The following CTNNA3 variants were observed in gnomAD, a reference collection of about 807,000 sequenced individuals.
CTNNA3 encodes catenin alpha 3.
A neutral mutation model predicts 95.7 loss-of-function variants in CTNNA3; 76 were observed. The ratio of observed to expected loss-of-function variants is 0.79; its 90% confidence interval spans 0.66 to 0.96. The LOEUF is 0.96. Among genes scored for constraint, CTNNA3 ranks in the 40% least tolerant of loss-of-function variants. The pLI is 0.00. For missense variants in CTNNA3, 1,191 were observed against 1,089.8 expected, an observed-to-expected ratio of 1.09 and a Z score of -1.31; for synonymous variants, 431 against 374.4, an observed-to-expected ratio of 1.15 and a Z score of -1.74.
At chr10:67,203,763 C>A (rs1863754343) in intron 6 of CTNNA3, among the ~76,000 whole-genome samples, 1 of 152,196 alleles carries the variant, frequency 6.6e-6, no homozygotes, top group Admixed American at 6.5e-5. Flanking sequence ...CCTTCCATGA[C>A]AAAATATTCC....
chr10:67,439,850 G>A (rs1295483571), intron 5 of CTNNA3, among the ~76,000 whole-genome samples: 3 of 152,156 alleles, frequency 2.0e-5, no homozygotes, highest in Non-Finnish European at 4.4e-5. Context: ...AATATGCCAT[G>A]GGCCTTGGGT....
At chr10:66,718,568 T>G (rs1234979506) in intron 9 of CTNNA3, among the ~76,000 whole-genome samples, 1 of 151,476 alleles carries the variant, frequency 6.6e-6, no homozygotes, top group Non-Finnish European at 1.5e-5. Context: ...AATACATGTT[T>G]GTATATGTAG....
chr10:67,323,299 A>G (rs950682356), intron 5 of CTNNA3, among the ~76,000 whole-genome samples: 1 of 152,138 alleles, frequency 6.6e-6, no homozygotes, highest in Non-Finnish European at 1.5e-5. Context: ...GCCCATGCCT[A>G]TGTACAGAAT....
At chr10:66,818,559 C>T (rs537225796) in intron 7 of CTNNA3, among the ~76,000 whole-genome samples, 5 of 152,250 alleles carry the variant, frequency 3.3e-5, no homozygotes, top group East Asian at 1.9e-4. Context: ...AAGTTCAAGA[C>T]TTGCATACTG....
intron 5 of CTNNA3, among the ~76,000 whole-genome samples, chr10:67,356,673 C>T (rs1302788222): frequency 6.6e-6 from 1 of 152,084 alleles, no homozygotes; most frequent in Non-Finnish European, 1.5e-5. Context: ...CCCTCTCATT[C>T]TTTGATAACA....
At chr10:67,704,515 A>C (rs1038725315) in intron 1 of CTNNA3, among the ~76,000 whole-genome samples, 1 of 152,222 alleles carries the variant, frequency 6.6e-6, no homozygotes, top group South Asian at 2.1e-4. Context: ...TGAGAAAAAC[A>C]AGCAATGGGG....
At chr10:67,151,636 G>A (rs1206479661) in intron 7 of CTNNA3, among the ~76,000 whole-genome samples, 1 of 152,080 alleles carries the variant, frequency 6.6e-6, no homozygotes, top group African/African-American at 2.4e-5. Flanking sequence ...GCTCCCCAAG[G>A]TTTCTGTAAA....
chr10:67,401,600 CCCCAAAGA>C (rs1844925778), intron 5 of CTNNA3, among the ~76,000 whole-genome samples: 1 of 152,088 alleles, frequency 6.6e-6, no homozygotes. Flanking sequence ...AGCCCCGTGG[CCCCAAAGA>C]CCTAATAAAA....
At position 65,984,655 on chromosome 10, in the gene CTNNA3, C is replaced by T. The variant is rs117052982; in HGVS notation, c.2265+4037G>A. On this transcript the variant is annotated intron_variant, in intron 16 of 17. Coordinates refer to ENST00000433211, the MANE Select transcript of CTNNA3 (RefSeq NM_013266.4). Reference sequence around the variant, plus strand: ...TATAGAAGTACCTACTTCAAGGCAACCTGATCCAATTAAAGAAGATTATCA... The same window carrying T: ...TATAGAAGTACCTACTTCAAGGCAATCTGATCCAATTAAAGAAGATTATCA... Among the ~76,000 whole-genome samples the T allele has an allele frequency of 5.3e-3, 800 of 151,196 alleles. 9 individuals are homozygous for T. Among genetic ancestry groups the T allele is most frequent in the East Asian group, 0.024 (124 of 5,164 alleles).
intron 3 of CTNNA3, among the ~76,000 whole-genome samples, chr10:67,594,717 G>T (rs1172367156): frequency 6.6e-6 from 1 of 151,416 alleles, no homozygotes; most frequent in Non-Finnish European, 1.5e-5. Flanking sequence ...AGGTTTCATT[G>T]ATTTTTTATT....
At chr10:66,015,548 A>C (rs1180327709) in intron 15 of CTNNA3, among the ~76,000 whole-genome samples, 1 of 152,178 alleles carries the variant, frequency 6.6e-6, no homozygotes, top group Non-Finnish European at 1.5e-5. Flanking sequence ...GCTGGGTTGC[A>C]AAGCCTAAAT....
intron 7 of CTNNA3, among the ~76,000 whole-genome samples, chr10:67,079,530 A>T (rs1249200438): frequency 6.6e-6 from 1 of 152,182 alleles, no homozygotes; most frequent in Non-Finnish European, 1.5e-5. Context: ...CATCTGTGTT[A>T]TAATTAGGAA....
intron 9 of CTNNA3, among the ~76,000 whole-genome samples, chr10:66,720,715 T>C (rs142087893): frequency 5.5e-4 from 83 of 152,200 alleles, no homozygotes; most frequent in African/African-American, 1.9e-3. Context: ...GCACCTGTAA[T>C]CTGAGCTACT....
chr10:66,985,257 T>C (rs1850666215), intron 7 of CTNNA3, among the ~76,000 whole-genome samples: 1 of 152,214 alleles, frequency 6.6e-6, no homozygotes, highest in Non-Finnish European at 1.5e-5. Context: ...TAGTGATTAT[T>C]TATTGTTATA....
intron 11 of CTNNA3, among the ~76,000 whole-genome samples, chr10:66,511,288 T>C (rs1242042577): frequency 2.0e-5 from 3 of 151,822 alleles, no homozygotes; most frequent in African/African-American, 4.8e-5. Flanking sequence ...ATCTATATAA[T>C]AGTTTGTTGA....
chr10:66,418,121 A>G (rs1266270572), intron 11 of CTNNA3, among the ~76,000 whole-genome samples: 36 of 151,372 alleles, frequency 2.4e-4, no homozygotes, highest in Admixed American at 2.4e-3. Context: ...TTAAAAAAAA[A>G]AAAAACTACG....
intron 5 of CTNNA3, among the ~76,000 whole-genome samples, chr10:67,488,084 A>C (rs1875151): frequency 0.58 from 88,081 of 151,852 alleles, 28,762 homozygotes; most frequent in African/African-American, 0.87. Flanking sequence ...TACATACAGA[A>C]CCTCGTTGAG....
At chr10:66,384,409 C>T (rs59650796) in intron 11 of CTNNA3, among the ~76,000 whole-genome samples, 2,794 of 152,032 alleles carry the variant, frequency 0.018, 84 homozygotes, top group African/African-American at 0.064. Flanking sequence ...ATCATATATG[C>T]ACCCAACACA....
chr10:66,096,111 A>C lies in CTNNA3; in HGVS notation c.1977+7046T>G, dbSNP rs1271183730. On this transcript the variant is annotated intron_variant, in intron 14 of 17. Transcript: ENST00000433211. Reference sequence around the variant, plus strand: ...TTAAATGTCTTGTTTTTAATGTTCTATTCATTAAACTCAATTCCAGCAATT... The same window carrying C: ...TTAAATGTCTTGTTTTTAATGTTCTCTTCATTAAACTCAATTCCAGCAATT... 2.0e-5 allele frequency among the ~76,000 whole-genome samples: 3 copies of C among 152,174 alleles called. No individual in the cohort carries two copies. The East Asian group carries it at 5.8e-4, about 29-fold the overall frequency.
Sources: allele counts gnomAD v4.1 joint callset (sites outside exome capture counted in the v4.1 genomes callset), GRCh38; gene constraint gnomAD v4.1.1; transcripts MANE v1.5; gene names NCBI Gene and HGNC (gene_info 2026-07-23, HGNC 2026-07-21).